Variants in DENND1B observed in about 807,000 individuals in gnomAD.
DENND1B encodes the protein DENN domain containing 1B.
Under a neutral mutation model 90.1 loss-of-function variants are expected in DENND1B, and 59 were observed. The observed-to-expected ratio is 0.65, with a 90% CI of 0.53 to 0.81. The LOEUF is 0.81. Among genes scored for constraint, DENND1B ranks in the 40% least tolerant of loss-of-function variants. DENND1B has a pLI of 0.00. For missense variants in DENND1B, 862 were observed against 912.6 expected, an observed-to-expected ratio of 0.94 and a Z score of 0.71; for synonymous variants, 337 against 324.6, an observed-to-expected ratio of 1.04 and a Z score of -0.41.
Position 197,715,085 on chromosome 1 carries a change from T to C in DENND1B, c.83-11A>G, listed in dbSNP as rs1660518944. 1.9e-6 allele frequency: 3 copies of C among 1,608,186 alleles called. No homozygotes were observed. Among genetic ancestry groups the C allele is most frequent in the African/African-American group, 1.3e-5 (1 of 74,826 alleles). On this transcript the variant is annotated splice_polypyrimidine_tract_variant and intron_variant, in intron 2 of 22. Coordinates refer to ENST00000620048, the MANE Select transcript of DENND1B (RefSeq NM_001195215.2). ...ACAATACCACAGGATCTGTAAATAATTGACATGTATAATTAAACAGCAGCA... is the reference window on the plus strand; with the variant it reads ...ACAATACCACAGGATCTGTAAATAACTGACATGTATAATTAAACAGCAGCA...
At chr1:197,632,986 T>C (rs1270285650) in intron 10 of DENND1B, among the ~76,000 whole-genome samples, 5 of 152,172 alleles carry the variant, frequency 3.3e-5, no homozygotes, top group African/African-American at 4.8e-5. Flanking sequence ...AATGAAAAAC[T>C]ACAACCAAAA....
In DENND1B at chr1:197,510,779, T is replaced by C; in HGVS notation, c.2009A>G (p.Lys670Arg). The change falls in exon 23 of 23, where the codon AAG (lysine) becomes AGG (arginine). Residue 670 changes from lysine to arginine, a missense_variant. Coordinates refer to ENST00000620048, the MANE Select transcript of DENND1B (RefSeq NM_001195215.2). Reference protein sequence around the residue: ...LFILKEENSNKHLGADNVSDP... With the variant: ...LFILKEENSNRHLGADNVSDP... The stretch of plus-strand genomic sequence containing the variant: ...ACTCACATTGTCAGCACCGAGGTGC[T>C]TGTTACTGTTTTCCTCTTTCAGGAT... 1 of 1,612,454 alleles carries C rather than the reference T, an allele frequency of 6.2e-7. No individual in the cohort carries two copies. The highest frequency in any genetic ancestry group is 1.1e-5 in the South Asian group (1 of 91,020).
intron 3 of DENND1B, among the ~76,000 whole-genome samples, chr1:197,697,519 G>A (rs1024217673): frequency 6.6e-6 from 1 of 151,668 alleles, no homozygotes; most frequent in Non-Finnish European, 1.5e-5. Context: ...ACAAAACTCA[G>A]TGATCAAAAA....
intron 2 of DENND1B, among the ~76,000 whole-genome samples, chr1:197,772,126 G>A (rs1486918034): frequency 1.3e-5 from 2 of 152,164 alleles, no homozygotes; most frequent in African/African-American, 4.8e-5. Flanking sequence ...TCTGCATTCT[G>A]CGTTCTGGAA....
rs1572048213 is a variant in DENND1B at position 197,607,257 on chromosome 1, T to C, written c.820-83A>G. 9 of 883,366 alleles carry C rather than the reference T, an allele frequency of 1.0e-5. No homozygotes were observed. The East Asian group carries it at 1.1e-4, about 11-fold the overall frequency. The allele number at this position is 883,366 out of a possible 1,614,324, so 54.7% of individuals were successfully genotyped here. A position where few individuals can be genotyped will look rare whatever the true frequency, so the allele number is the denominator to read the frequency against. Reference sequence around the variant, plus strand: ...ATGAGTTTGGAAACAGAAAACATTATCTTAATGCATTAGGCTTGGGAAAAG... The same window carrying C: ...ATGAGTTTGGAAACAGAAAACATTACCTTAATGCATTAGGCTTGGGAAAAG... On this transcript the variant is annotated intron_variant, in intron 12 of 22. Transcript: ENST00000620048.
chr1:197,514,467 T>A (rs1668261145), intron 20 of DENND1B, among the ~76,000 whole-genome samples: 1 of 151,714 alleles, frequency 6.6e-6, no homozygotes, highest in Non-Finnish European at 1.5e-5. Context: ...ATCTTTGAAA[T>A]ACACCATGAT....
chr1:197,674,669 A>T lies in DENND1B; in HGVS notation c.127-500T>A, dbSNP rs899474356. 2.7e-3 allele frequency among the ~76,000 whole-genome samples: 18 copies of T among 6,736 alleles called. No homozygotes were observed. The South Asian group carries it at 0.029, about 11-fold the overall frequency. 4.4% of individuals were successfully genotyped at this position (6,736 alleles called of 152,430 possible). On this transcript the variant is annotated intron_variant, in intron 3 of 22. Transcript: ENST00000620048. ...TACATGTCCCATAGTCAAACAGTTA[A>T]AAAAAAAAAAAAAGAGAGAGAGACT...
At chr1:197,609,830 A>T (rs1466182506) in intron 12 of DENND1B, among the ~76,000 whole-genome samples, 5 of 150,672 alleles carry the variant, frequency 3.3e-5, no homozygotes, top group Non-Finnish European at 7.5e-5. Flanking sequence ...TAAAGAAAAA[A>T]TTGGTTGTAA....
intron 18 of DENND1B, among the ~76,000 whole-genome samples, chr1:197,542,277 C>T (rs1196722509): frequency 6.6e-6 from 1 of 151,926 alleles, no homozygotes; most frequent in African/African-American, 2.4e-5. Context: ...TTCTTTATGG[C>T]CCCTATCAGC....
At chr1:197,515,251 G>A (rs1387814913) in intron 20 of DENND1B, among the ~76,000 whole-genome samples, 1 of 151,670 alleles carries the variant, frequency 6.6e-6, no homozygotes, top group African/African-American at 2.4e-5. Context: ...GTTTCCATAA[G>A]TTCAGGGATT....
At chr1:197,680,874 CA>C (rs1485071635) in intron 3 of DENND1B, among the ~76,000 whole-genome samples, 32 of 151,926 alleles carry the variant, frequency 2.1e-4, no homozygotes, top group African/African-American at 7.5e-4. Context: ...TAAGATCACA[CA>C]AGGATTTATT....
In DENND1B at chr1:197,578,326, C is replaced by A. The variant is rs575909367; in HGVS notation, c.1149+4826G>T. On this transcript the variant is annotated intron_variant, in intron 15 of 22. Coordinates refer to ENST00000620048, the MANE Select transcript of DENND1B (RefSeq NM_001195215.2). ...CTGGCACAATCTCAGCTCACTGCAACCTCTGTCTCCCAGGTTCAAGCTATT... is the reference window on the plus strand; with the variant it reads ...CTGGCACAATCTCAGCTCACTGCAAACTCTGTCTCCCAGGTTCAAGCTATT... Among the ~76,000 whole-genome samples the A allele has an allele frequency of 2.0e-5, 3 of 152,170 alleles. No homozygotes were observed. The South Asian group carries it at 6.2e-4, about 32-fold the overall frequency.
In DENND1B at chr1:197,765,896, G is replaced by A. The variant is rs145718774; in HGVS notation, c.82+6972C>T. 2.0e-5 allele frequency among the ~76,000 whole-genome samples: 3 copies of A among 152,290 alleles called. No homozygotes were observed. In the East Asian group the frequency reaches 5.8e-4, roughly 29 times the overall value. ...ATGAAAGTAATAATCAACAAATACT[G>A]AACAGTGAAATTTGATTTGCTTTTT... On this transcript the variant is annotated intron_variant, in intron 2 of 22. Coordinates refer to ENST00000620048, the MANE Select transcript of DENND1B (RefSeq NM_001195215.2).
At chr1:197,558,248 A>G (rs977597267) in intron 15 of DENND1B, among the ~76,000 whole-genome samples, 1 of 151,778 alleles carries the variant, frequency 6.6e-6, no homozygotes, top group Non-Finnish European at 1.5e-5. Context: ...ACACCAAAAC[A>G]TAAATAACAT....
intron 16 of DENND1B, among the ~76,000 whole-genome samples, chr1:197,550,159 G>A (rs960297223): frequency 6.6e-6 from 1 of 152,074 alleles, no homozygotes; most frequent in Non-Finnish European, 1.5e-5. Context: ...TGCCACAGTG[G>A]TCTTTCTAGG....
chr1:197,771,231 G>A (rs1656569203), intron 2 of DENND1B, among the ~76,000 whole-genome samples: 2 of 152,126 alleles, frequency 1.3e-5, no homozygotes, highest in East Asian at 1.9e-4. Context: ...AATATCAGAT[G>A]AGCGTTACTT....
intron 2 of DENND1B, among the ~76,000 whole-genome samples, chr1:197,720,609 G>A (rs891376450): frequency 3.3e-5 from 5 of 151,984 alleles, no homozygotes; most frequent in African/African-American, 1.2e-4. Flanking sequence ...CAATCATTTA[G>A]GGCCACAAAT....
At chr1:197,735,322 T>C in intron 2 of DENND1B, 3 of 1,264,672 alleles carry the variant, frequency 2.4e-6, no homozygotes, top group Non-Finnish European at 3.0e-6. Context: ...TTCAAGTGGT[T>C]TTATTTCCTC....
At chr1:197,738,519 G>A (rs1338690326) in intron 2 of DENND1B, among the ~76,000 whole-genome samples, 1 of 152,198 alleles carries the variant, frequency 6.6e-6, no homozygotes, top group African/African-American at 2.4e-5. Flanking sequence ...TATTAACTGT[G>A]AAACACAACA....
Sources: gnomAD v4.1 joint callset for allele counts (sites outside exome capture counted in the v4.1 genomes callset) on GRCh38, gnomAD v4.1.1 for gene constraint, MANE v1.5 for transcripts, NCBI Gene and HGNC (gene_info 2026-07-23, HGNC 2026-07-21) for gene names.